Variants in AVEN observed in about 807,000 individuals in gnomAD.
AVEN encodes apoptosis and caspase activation inhibitor, also known as cell death regulator Aven.
Under a neutral mutation model 38.1 loss-of-function variants are expected in AVEN, and 41 were observed. The ratio of observed to expected loss-of-function variants is 1.08; its 90% CI spans 0.84 to 1.40. AVEN has a LOEUF of 1.40. Ranked by LOEUF, AVEN falls within the 40% of genes most tolerant of loss-of-function variation. The pLI is 0.00. For missense variants in AVEN, 605 were observed against 438.8 expected, an observed-to-expected ratio of 1.38 and a Z score of -3.38; for synonymous variants, 206 against 171.8, an observed-to-expected ratio of 1.20 and a Z score of -1.56.
chr15:34,051,927 G>C (rs1456292358), intron 5 of AVEN, among the ~76,000 whole-genome samples: 1 of 151,840 alleles, frequency 6.6e-6, no homozygotes, highest in Non-Finnish European at 1.5e-5. Context: ...GGTACAAAGA[G>C]CTGGTACCAC....
At chr15:33,874,670 T>C (rs1481042355) in intron 3 of AVEN, among the ~76,000 whole-genome samples, 1 of 152,258 alleles carries the variant, frequency 6.6e-6, no homozygotes, top group African/African-American at 2.4e-5. Context: ...TCACCGAGTG[T>C]GCCCAGGTAA....
chr15:33,858,733 C>G (rs2079995757), downstream of AVEN: 3 of 152,418 alleles, frequency 2.0e-5, no homozygotes, highest in South Asian at 6.2e-4. Flanking sequence ...AAAAAAGGCA[C>G]TGCCCAGAGT....
intron 1 of AVEN, among the ~76,000 whole-genome samples, chr15:34,013,736 A>G (rs942303079): frequency 2.6e-5 from 4 of 151,950 alleles, no homozygotes; most frequent in African/African-American, 9.7e-5. Flanking sequence ...AACATCACCA[A>G]TGGGGGAGAA....
chr15:33,859,467 G>C (rs7180084), intron 11 of AVEN: 1,086,233 of 1,274,450 alleles, frequency 0.85, 464,149 homozygotes, highest in East Asian at 0.99. Context: ...TTCCCCTCTC[G>C]TGGCTTAGGG....
chr15:33,958,505 C>A (rs1243293349), intron 2 of AVEN, among the ~76,000 whole-genome samples: 12 of 151,104 alleles, frequency 7.9e-5, no homozygotes, highest in Admixed American at 7.9e-4. Context: ...GGAGGAGAAT[C>A]ACTTGAACTC....
intron 2 of AVEN, among the ~76,000 whole-genome samples, chr15:33,902,470 C>T (rs1441151741): frequency 6.6e-6 from 1 of 152,170 alleles, no homozygotes; most frequent in East Asian, 1.9e-4. Flanking sequence ...AAACATACAA[C>T]TAACATCATA....
intron 2 of AVEN, among the ~76,000 whole-genome samples, chr15:33,914,792 T>C (rs993967326): frequency 5.9e-5 from 9 of 152,022 alleles, no homozygotes; most frequent in African/African-American, 1.9e-4. Flanking sequence ...TAGAGATACA[T>C]GTATGCATGC....
chr15:33,865,157 A>G (rs756029364), downstream of AVEN: 14 of 1,613,798 alleles, frequency 8.7e-6, no homozygotes, highest in South Asian at 6.6e-5. Flanking sequence ...AGATGTACCA[A>G]GAAAGGTGTT....
At chr15:34,057,911 C>T (rs1900213916) in intron 5 of AVEN, among the ~76,000 whole-genome samples, 1 of 152,180 alleles carries the variant, frequency 6.6e-6, no homozygotes, top group Non-Finnish European at 1.5e-5. Context: ...AAATTATTTT[C>T]TTTTCCCTTT....
intron 2 of AVEN, among the ~76,000 whole-genome samples, chr15:33,882,567 A>AAG (rs889160644): frequency 6.6e-6 from 1 of 151,854 alleles, no homozygotes; most frequent in Admixed American, 6.6e-5. Context: ...ATGTTAAAAA[A>AAG]AAAAAATAGA....
intron 2 of AVEN, among the ~76,000 whole-genome samples, chr15:33,992,866 T>C (rs1456752828): frequency 2.0e-5 from 3 of 152,212 alleles, no homozygotes; most frequent in Non-Finnish European, 2.9e-5. Flanking sequence ...CTACCCAAAA[T>C]AGCTTTTCAT....
At chr15:33,859,313 A>C (rs899164806) in intron 11 of AVEN, among the ~76,000 whole-genome samples, 4 of 152,254 alleles carry the variant, frequency 2.6e-5, no homozygotes, top group African/African-American at 9.6e-5. Context: ...AGATCTTTTA[A>C]CTTATATACA....
At chr15:34,053,733 A>G (rs904158740) in intron 5 of AVEN, among the ~76,000 whole-genome samples, 3 of 152,228 alleles carry the variant, frequency 2.0e-5, no homozygotes, top group Non-Finnish European at 4.4e-5. Flanking sequence ...ACTCTAGAAG[A>G]AAAGCTAGGC....
chr15:34,068,305 C>A (rs1490818242), intron 2 of AVEN, among the ~76,000 whole-genome samples: 1 of 151,120 alleles, frequency 6.6e-6, no homozygotes, highest in Non-Finnish European at 1.5e-5. Context: ...ACCTCCCAGA[C>A]TCAAGTGATC....
intron 2 of AVEN, among the ~76,000 whole-genome samples, chr15:33,998,590 C>T (rs981178562): frequency 6.6e-6 from 1 of 152,190 alleles, no homozygotes; most frequent in Admixed American, 6.5e-5. Context: ...TCAAACATCT[C>T]TTCCCACATT....
intron 2 of AVEN, among the ~76,000 whole-genome samples, chr15:33,941,881 A>G (rs575786733): frequency 1.2e-4 from 18 of 152,338 alleles, no homozygotes; most frequent in African/African-American, 3.4e-4. Flanking sequence ...TCAGCTTTCC[A>G]GTGTTTGCTT....
rs1263489574 is a variant in AVEN, at chr15:33,983,152, GTGTGTGTA to G, written c.445+19872_445+19879del. Among the ~76,000 whole-genome samples the G allele has an allele frequency of 5.4e-5, 6 of 110,810 alleles. No individual in the cohort carries two copies. The Admixed American group carries it at 5.5e-4, about 10-fold the overall frequency. 72.7% of individuals were successfully genotyped at this position (110,810 alleles called of 152,430 possible). On this transcript the variant is annotated intron_variant, in intron 2 of 5. Coordinates refer to ENST00000306730, the MANE Select transcript of AVEN (RefSeq NM_020371.3). ...TCTGTGTGTGTGTGTGTGTGTGTGT[GTGTGTGTA>G]TGTGTGTGTGTATATATACACACGT...
chr15:34,074,959 A>G (rs981534941), exon 1 of AVEN, among the ~76,000 whole-genome samples: 6 of 152,222 alleles, frequency 3.9e-5, no homozygotes, highest in Admixed American at 2.0e-4. Flanking sequence ...AGGGCAGATC[A>G]TGAGGTCAGG....
intron 2 of AVEN, among the ~76,000 whole-genome samples, chr15:33,884,186 A>T (rs987364063): frequency 4.6e-5 from 7 of 152,158 alleles, no homozygotes; most frequent in African/African-American, 1.7e-4. Context: ...TAAGTAGTAA[A>T]GCTCTTTTTT....
Sources: gnomAD v4.1 joint callset for allele counts (sites outside exome capture counted in the v4.1 genomes callset) on GRCh38, gnomAD v4.1.1 for gene constraint, MANE v1.5 for transcripts, NCBI Gene and HGNC (gene_info 2026-07-23, HGNC 2026-07-21) for gene names.